The following MGAM2 variants were observed in gnomAD, a reference collection of about 807,000 sequenced individuals.
MGAM2 encodes the protein maltase-glucoamylase 2 (putative).
A neutral mutation model predicts 96.1 loss-of-function variants in MGAM2; 98 were observed. The ratio of observed to expected loss-of-function variants is 1.02; its 90% CI spans 0.87 to 1.21. MGAM2 has a LOEUF of 1.21. MGAM2 is among the 50% of genes most tolerant of loss of function. The probability of loss-of-function intolerance (pLI) is 0.00; values close to 1 mark genes in which losing one functional copy is unlikely to be tolerated. For synonymous variants in MGAM2, 749 were observed against 414.8 expected, an observed-to-expected ratio of 1.81 and a Z score of -9.79; for missense variants, 2,055 against 1,182.4, an observed-to-expected ratio of 1.74 and a Z score of -10.82.
chr7:142,188,816 G>T (rs755186659), intron 36 of MGAM2, among the ~76,000 whole-genome samples: 3 of 152,144 alleles, frequency 2.0e-5, no homozygotes, highest in Non-Finnish European at 2.9e-5. Context: ...AGATAATTTT[G>T]CCCAACTTAG....
At chr7:142,182,288 G>C (rs1295866606) in intron 32 of MGAM2, among the ~76,000 whole-genome samples, 4 of 152,190 alleles carry the variant, frequency 2.6e-5, no homozygotes, top group Admixed American at 2.6e-4. Context: ...CAGGCCACCA[G>C]CAAAGCACTC....
intron 30 of MGAM2, 100 bp from the exon 31 acceptor site, chr7:142,173,129 T>C (rs1032308462): frequency 1.5e-6 from 1 of 651,422 alleles, no homozygotes; most frequent in East Asian, 2.7e-5. Context: ...AGGCCTCTTA[T>C]ACAGTACTTA....
At chr7:142,192,580 A>G (rs565038510) in intron 37 of MGAM2, among the ~76,000 whole-genome samples, 38 of 152,312 alleles carry the variant, frequency 2.5e-4, no homozygotes, top group African/African-American at 8.2e-4. Context: ...AAGAGTAGAA[A>G]TTTTCTTTTG....
In MGAM2 at chr7:142,172,175, G is replaced by T; in HGVS notation, c.3429G>T (p.Leu1143=). 1 of 718,672 alleles carries T rather than the reference G, an allele frequency of 1.4e-6. No individual in the cohort carries two copies. The allele number at this position is 718,672 out of a possible 1,614,324, so 44.5% of individuals were successfully genotyped here. A position where few individuals can be genotyped will look rare whatever the true frequency, so the allele number is the denominator to read the frequency against. The change falls in exon 29 of 48, where the codon CTG becomes CTT. Residue 1143 remains leucine, a synonymous_variant. Coordinates refer to ENST00000477922, the MANE Select transcript of MGAM2 (RefSeq NM_001293626.2). Reference sequence around the variant, plus strand: ...ATGGTAGTGCCCATGGAGTGCTCCTGCTAAATAGCAATGCCATGGGTAAGG... The same window carrying T: ...ATGGTAGTGCCCATGGAGTGCTCCTTCTAAATAGCAATGCCATGGGTAAGG... ...EEDGSAHGVL[L]LNSNAMDVTL...
At chr7:142,190,946 G>C (rs73158472) in intron 37 of MGAM2, among the ~76,000 whole-genome samples, 1 of 151,822 alleles carries the variant, frequency 6.6e-6, no homozygotes, top group South Asian at 2.1e-4. Context: ...GGCAGCTTGG[G>C]CAACATAATG....
chr7:142,171,079 C>A, intron 27 of MGAM2, 193 bp from the exon 28 acceptor site: 1 of 624,004 alleles, frequency 1.6e-6, no homozygotes, highest in South Asian at 1.8e-5. Context: ...AACCACAGAA[C>A]AGAAATCTAA....
chr7:142,146,139 C>CTTT (rs1795374826), intron 14 of MGAM2, among the ~76,000 whole-genome samples: 1 of 79,896 alleles, frequency 1.3e-5, no homozygotes, highest in African/African-American at 4.3e-5. Flanking sequence ...ATTAGTTTAT[C>CTTT]ATGTTTTTTT....
intron 22 of MGAM2, 23 bp from the exon 23 acceptor site, chr7:142,161,932 C>G: frequency 1.5e-6 from 1 of 681,666 alleles, no homozygotes; most frequent in South Asian, 1.6e-5. Context: ...CCATAGTAAC[C>G]GGTACTCCTC....
At position 142,221,391 on chromosome 7, in the gene MGAM2, C is replaced by T; in HGVS notation, c.6880C>T (p.Gln2294Ter). The change falls in exon 48 of 48, where the codon CAG becomes TAG. Residue 2294 changes from glutamine (Q) to a stop codon, truncating the protein, a stop_gained. Transcript: ENST00000477922. LOFTEE classifies it low-confidence loss of function (END_TRUNC). ...NTNPGMTTYYQTSPTIPTHTL... is the reference protein window; with the variant it reads ...NTNPGMTTYY ...TAATCCTGGCATGACTACTTATTAC[C>T]AGACTTCTCCTACCATTCCTACCCA... 2 of 606,386 alleles carry T rather than the reference C, an allele frequency of 3.3e-6. No individual in the cohort carries two copies. The highest frequency in any genetic ancestry group is 4.0e-5 in the South Asian group (2 of 50,422). The allele number at this position is 606,386 out of a possible 1,614,324, so 37.6% of individuals were successfully genotyped here. A position where few individuals can be genotyped will look rare whatever the true frequency, so the allele number is the denominator to read the frequency against.
intron 15 of MGAM2, among the ~76,000 whole-genome samples, chr7:142,150,119 T>C (rs919413144): frequency 2.0e-5 from 3 of 152,032 alleles, no homozygotes; most frequent in Non-Finnish European, 4.4e-5. Context: ...TTTTGTATTT[T>C]TAGTAGAGAC....
chr7:142,215,430 A>G (rs1259240103), intron 46 of MGAM2, among the ~76,000 whole-genome samples: 4 of 151,804 alleles, frequency 2.6e-5, no homozygotes, highest in African/African-American at 7.3e-5. Context: ...CATGTTCTGC[A>G]CATGTATCCC....
intron 17 of MGAM2, 82 bp downstream of exon 17, chr7:142,154,927 A>G (rs1354626200): frequency 4.4e-6 from 3 of 682,310 alleles, no homozygotes; most frequent in Admixed American, 2.1e-5. Context: ...GGAAAATAGT[A>G]CTACAGGTTG....
chr7:142,137,423 AT>A lies in MGAM2; in HGVS notation c.848-4del. On this transcript the variant is annotated splice_polypyrimidine_tract_variant and intron_variant, in intron 8 of 47. Transcript: ENST00000477922. ...TAAGATTCTAATTAATCTCATTATA[AT>A]TTTTTCAGAGGTTACCCTTCAGCCA... 1.5e-6 allele frequency: 1 copy of A among 687,894 alleles called. No individual in the cohort carries two copies. The highest frequency in any genetic ancestry group is 2.3e-4 in the Middle Eastern group (1 of 4,284). The allele number at this position is 687,894 out of a possible 1,614,324, so 42.6% of individuals were successfully genotyped here. A position where few individuals can be genotyped will look rare whatever the true frequency, so the allele number is the denominator to read the frequency against.
chr7:142,118,857 A>C (rs1003391703), intron 2 of MGAM2, among the ~76,000 whole-genome samples: 5 of 152,246 alleles, frequency 3.3e-5, no homozygotes, highest in African/African-American at 1.2e-4. Context: ...AATTGATCAA[A>C]GACTTAATAT....
chr7:142,138,944 C>A (rs1243937376), intron 10 of MGAM2, among the ~76,000 whole-genome samples: 2 of 152,164 alleles, frequency 1.3e-5, no homozygotes, highest in Non-Finnish European at 2.9e-5. Flanking sequence ...TTAGTTTCCA[C>A]CTTTATAGAA....
rs1175020285 is a variant in MGAM2, at chr7:142,154,122, C to T, written c.1739C>T (p.Ala580Val). 1 of 691,004 alleles carries T rather than the reference C, an allele frequency of 1.4e-6. No homozygotes were observed. Among genetic ancestry groups the T allele is most frequent in the East Asian group, 2.7e-5 (1 of 37,202 alleles). 42.8% of individuals were successfully genotyped at this position (691,004 alleles called of 1,614,324 possible). The part of the protein sequence containing the change: ...FAAHWLGDNA[A>V]TWDDLRWSIP... ...GCTCATTGGCTGGGGGACAATGCGG[C>T]CACATGGGATGACCTCCGATGGTCT... Residue 580 changes from alanine (A) to valine (V), a missense_variant, in exon 16 of 48, where the codon GCC becomes GTC. By Grantham distance (64) the Ala-to-Val change is moderately conservative (BLOSUM62 0). Transcript: ENST00000477922.
At chr7:142,196,090 C>T (rs1797024382) in intron 37 of MGAM2, 64 bp from the exon 38 acceptor site, 9 of 745,028 alleles carry the variant, frequency 1.2e-5, no homozygotes, top group Non-Finnish European at 2.1e-5. Context: ...ATGCTCCAAG[C>T]TGCAGTTATT....
intron 1 of MGAM2, among the ~76,000 whole-genome samples, chr7:142,113,524 AG>A (rs1191423001): frequency 6.8e-6 from 1 of 146,050 alleles, no homozygotes; most frequent in Non-Finnish European, 1.5e-5. Context: ...AAAGATTCCT[AG>A]GTTTTTTTTT....
chr7:142,157,134 A>G (rs959300468), intron 17 of MGAM2, among the ~76,000 whole-genome samples: 1 of 152,240 alleles, frequency 6.6e-6, no homozygotes, highest in Non-Finnish European at 1.5e-5. Context: ...TAAAATTAAA[A>G]TTCATACAAG....
Sources: allele counts gnomAD v4.1 joint callset (sites outside exome capture counted in the v4.1 genomes callset), GRCh38; gene constraint gnomAD v4.1.1; transcripts MANE v1.5; gene names NCBI Gene and HGNC (gene_info 2026-07-23, HGNC 2026-07-21).